The following GSK3B variants were observed in gnomAD, a reference collection of about 807,000 sequenced individuals.
The protein encoded by GSK3B is glycogen synthase kinase-3 beta.
Under a neutral mutation model 56.4 loss-of-function variants are expected in GSK3B, and 15 were observed. The observed-to-expected ratio is 0.27, with a 90% CI of 0.18 to 0.41. The LOEUF (loss-of-function observed/expected upper bound fraction) is 0.41. GSK3B is among the 10% of genes least tolerant of loss of function. GSK3B has a pLI of 1.00. For missense variants in GSK3B, 300 were observed against 513.4 expected, an observed-to-expected ratio of 0.58 and a Z score of 4.02; for synonymous variants, 181 against 188.9, an observed-to-expected ratio of 0.96 and a Z score of 0.34.
chr3:119,956,126 T>G (rs138516007), intron 2 of GSK3B, among the ~76,000 whole-genome samples: 1 of 152,072 alleles, frequency 6.6e-6, no homozygotes, highest in Non-Finnish European at 1.5e-5. Flanking sequence ...AATTAGTAAA[T>G]AGAAGGAGGG....
intron 7 of GSK3B, among the ~76,000 whole-genome samples, chr3:119,884,880 C>T (rs2056417480): frequency 6.6e-6 from 1 of 151,960 alleles, no homozygotes; most frequent in African/African-American, 2.4e-5. Context: ...TGAACATCAA[C>T]ATTATACCGA....
chr3:119,866,616 T>A (rs1268023466), intron 8 of GSK3B: 1 of 1,604,670 alleles, frequency 6.2e-7, no homozygotes, highest in Non-Finnish European at 8.5e-7. Flanking sequence ...AAATGTCCTG[T>A]TCCTGACGAA....
At chr3:119,913,673 T>C (rs1384850911) in intron 5 of GSK3B, among the ~76,000 whole-genome samples, 3 of 147,706 alleles carry the variant, frequency 2.0e-5, no homozygotes, top group Non-Finnish European at 3.0e-5. Flanking sequence ...AAAAAAAAAG[T>C]AAAGGTACTG....
At chr3:119,979,190 C>T (rs1370316495) in intron 2 of GSK3B, among the ~76,000 whole-genome samples, 2 of 152,200 alleles carry the variant, frequency 1.3e-5, no homozygotes, top group African/African-American at 2.4e-5. Context: ...AGGAACTTCA[C>T]AACTTTATGA....
At chr3:119,848,165 G>A (rs146515478) in intron 9 of GSK3B, among the ~76,000 whole-genome samples, 2 of 152,302 alleles carry the variant, frequency 1.3e-5, no homozygotes, top group African/African-American at 2.4e-5. Context: ...TAGTGGTAGC[G>A]AGCTTGTACA....
intron 2 of GSK3B, among the ~76,000 whole-genome samples, chr3:119,967,562 A>G (rs1220399184): frequency 6.6e-6 from 1 of 152,192 alleles, no homozygotes; most frequent in Non-Finnish European, 1.5e-5. Context: ...TATGTTATCA[A>G]TCAATGAAAG....
chr3:119,900,677 T>C (rs942212178), intron 7 of GSK3B, among the ~76,000 whole-genome samples: 1 of 152,156 alleles, frequency 6.6e-6, no homozygotes, highest in Admixed American at 6.6e-5. Flanking sequence ...TGTAAACTTT[T>C]TGAAACACAA....
At chr3:119,930,778 G>T (rs1284811987) in intron 3 of GSK3B, among the ~76,000 whole-genome samples, 1 of 152,160 alleles carries the variant, frequency 6.6e-6, no homozygotes, top group East Asian at 1.9e-4. Flanking sequence ...GCAACATTAG[G>T]CTACAAAAGT....
Position 120,004,390 on chromosome 3 carries a change from C to G in GSK3B, c.89-2151G>C, listed in dbSNP as rs574314056. Among the ~76,000 whole-genome samples the G allele has an allele frequency of 1.1e-4, 16 of 152,318 alleles. No individual in the cohort carries two copies. In the East Asian group the frequency reaches 3.1e-3, roughly 29 times the overall value. Reference sequence around the variant, plus strand: ...GCTTCTGCAGACTTAAACGTCCCTGCCTGACAGCTCTGAAGACAGCAATGG... The same window carrying G: ...GCTTCTGCAGACTTAAACGTCCCTGGCTGACAGCTCTGAAGACAGCAATGG... On this transcript the variant is annotated intron_variant, in intron 1 of 10. Transcript: ENST00000264235.
At chr3:119,970,941 T>G (rs2057361241) in intron 2 of GSK3B, among the ~76,000 whole-genome samples, 1 of 152,242 alleles carries the variant, frequency 6.6e-6, no homozygotes, top group Non-Finnish European at 1.5e-5. Flanking sequence ...TTCACTGTTT[T>G]GTAGACTTTT....
chr3:120,027,131 T>G (rs1275918318), intron 1 of GSK3B, among the ~76,000 whole-genome samples: 1 of 151,116 alleles, frequency 6.6e-6, no homozygotes, highest in East Asian at 2.0e-4. Context: ...TCCCAGCACT[T>G]TGGGAGGCCA....
chr3:119,947,878 AAAAAAAAAAG>A (rs1225330420), intron 2 of GSK3B, among the ~76,000 whole-genome samples: 2 of 151,708 alleles, frequency 1.3e-5, no homozygotes, highest in Non-Finnish European at 2.9e-5. Flanking sequence ...ATCTCAAAAA[AAAAAAAAAAG>A]AAAGAAAAGA....
chr3:119,899,734 C>T (rs1176420725), intron 7 of GSK3B, among the ~76,000 whole-genome samples: 5 of 152,026 alleles, frequency 3.3e-5, no homozygotes, highest in Non-Finnish European at 7.4e-5. Flanking sequence ...ATAAGTCCTG[C>T]AACTGTAAAA....
rs192454407 is a variant in GSK3B at position 120,000,843 on chromosome 3, C to T, written c.282+1203G>A. Among the ~76,000 whole-genome samples, 169 of 143,032 alleles carry T rather than the reference C, an allele frequency of 1.2e-3. 1 individual carries two copies. Among genetic ancestry groups the T allele is most frequent in the Admixed American group, 5.9e-3 (84 of 14,320 alleles). The allele number at this position is 143,032 out of a possible 152,430, so 93.8% of individuals were successfully genotyped here. On this transcript the variant is annotated intron_variant, in intron 2 of 10. Coordinates refer to ENST00000264235, the MANE Select transcript of GSK3B (RefSeq NM_001146156.2). ...TAGCAAAAAAAAAAAAAAAAAGTTA[C>T]GAGAAAAATGGATAGTGTTGTAATA...
At chr3:120,047,129 G>T (rs527712880) in intron 1 of GSK3B, among the ~76,000 whole-genome samples, 1 of 152,044 alleles carries the variant, frequency 6.6e-6, no homozygotes, top group Non-Finnish European at 1.5e-5. Flanking sequence ...ACCTTTTCAC[G>T]ATAGGCAAAC....
chr3:120,055,795 T>C (rs571589520), intron 1 of GSK3B, among the ~76,000 whole-genome samples: 60 of 152,224 alleles, frequency 3.9e-4, no homozygotes, highest in Non-Finnish European at 3.7e-4. Flanking sequence ...TATTAGCCAA[T>C]TGGAGAGGGT....
chr3:120,023,702 T>C (rs2057899096), intron 1 of GSK3B, among the ~76,000 whole-genome samples: 1 of 152,082 alleles, frequency 6.6e-6, no homozygotes, highest in Non-Finnish European at 1.5e-5. Context: ...ATCTCCAATA[T>C]CCACTAAAGA....
chr3:120,086,078 CTAT>C (rs2058461105), intron 1 of GSK3B, among the ~76,000 whole-genome samples: 1 of 151,966 alleles, frequency 6.6e-6, no homozygotes, highest in Non-Finnish European at 1.5e-5. Flanking sequence ...CTCTACATAG[CTAT>C]TCATAATTCA....
intron 1 of GSK3B, among the ~76,000 whole-genome samples, chr3:120,045,987 A>G (rs2058099272): frequency 6.6e-6 from 1 of 152,202 alleles, no homozygotes; most frequent in Admixed American, 6.5e-5. Context: ...TAAAAAGGCT[A>G]CATACTGTAT....
Sources: allele counts gnomAD v4.1 joint callset (sites outside exome capture counted in the v4.1 genomes callset), GRCh38; gene constraint gnomAD v4.1.1; transcripts MANE v1.5; gene names NCBI Gene and HGNC (gene_info 2026-07-23, HGNC 2026-07-21).